Variants in PTPN12 observed in about 807,000 individuals in gnomAD.
PTPN12 encodes protein tyrosine phosphatase non-receptor type 12.
Under a neutral mutation model 97.6 loss-of-function variants are expected in PTPN12, and 29 were observed. That is an observed-to-expected ratio of 0.30 (90% CI 0.22 to 0.41). PTPN12 has a LOEUF of 0.41. Among genes scored for constraint, PTPN12 ranks in the 10% least tolerant of loss-of-function variants. The pLI, the probability that PTPN12 is intolerant of heterozygous loss-of-function variation, is 1.00. For synonymous variants in PTPN12, 327 were observed against 300.4 expected, an observed-to-expected ratio of 1.09 and a Z score of -0.91; for missense variants, 819 against 926.0, an observed-to-expected ratio of 0.88 and a Z score of 1.50.
rs1787644560 is a variant in PTPN12 at position 77,585,029 on chromosome 7, G to A, written c.382-514G>A. 3 of 152,208 alleles carry A rather than the reference G, an allele frequency of 2.0e-5. No homozygotes were observed. The South Asian group carries it at 6.2e-4, about 31-fold the overall frequency. 9.4% of individuals were successfully genotyped at this position (152,208 alleles called of 1,614,324 possible). On this transcript the variant is annotated intron_variant, in intron 4 of 17. Coordinates refer to ENST00000248594, the MANE Select transcript of PTPN12 (RefSeq NM_002835.4). ...GGATAGCTATGTGATAAAACATGGT[G>A]AAATGTTAATGATAGAATATAGGTG...
intron 12 of PTPN12, among the ~76,000 whole-genome samples, chr7:77,622,321 C>T (rs534552515): frequency 3.6e-4 from 54 of 152,064 alleles, no homozygotes; most frequent in African/African-American, 1.2e-3. Flanking sequence ...TTGACAGAAG[C>T]CTCTAATATG....
At position 77,637,056 on chromosome 7, in the gene PTPN12, G is replaced by C. The variant is rs1413121049; in HGVS notation, c.2173+8G>C. 6.2e-7 allele frequency: 1 copy of C among 1,602,814 alleles called. No individual in the cohort carries two copies. The highest frequency in any genetic ancestry group is 1.7e-5 in the Admixed American group (1 of 59,654). On this transcript the variant is annotated splice_region_variant and intron_variant, in intron 16 of 17. Transcript: ENST00000248594. The stretch of plus-strand genomic sequence containing the variant: ...CTGAAAATGAGAAATGTGGTAAGTT[G>C]TTAGATTTTTTTTTTCCTTTTTACT...
intron 16 of PTPN12, 150 bp downstream of exon 16, chr7:77,637,198 T>G (rs780718017): frequency 1.6e-6 from 1 of 610,516 alleles, no homozygotes; most frequent in Non-Finnish European, 2.7e-6. Context: ...TATTGTACTA[T>G]AATTCTTCCA....
chr7:77,633,046 T>C (rs1257842633), intron 14 of PTPN12, among the ~76,000 whole-genome samples: 2 of 151,484 alleles, frequency 1.3e-5, no homozygotes, highest in Non-Finnish European at 2.9e-5. Flanking sequence ...TGAGATGCAC[T>C]GATCACCTGA....
intron 8 of PTPN12, among the ~76,000 whole-genome samples, chr7:77,604,209 CT>C (rs71082768): frequency 6.1e-3 from 320 of 52,756 alleles, no homozygotes; most frequent in African/African-American, 0.025. Context: ...TTTTTTCTTC[CT>C]TTTTTTTTTT....
At chr7:77,608,912 T>G (rs116991747) in intron 9 of PTPN12, among the ~76,000 whole-genome samples, 1 of 152,116 alleles carries the variant, frequency 6.6e-6, no homozygotes, top group Non-Finnish European at 1.5e-5. Flanking sequence ...AAACAAACAT[T>G]TGGTCATTTT....
rs1007772233 is a variant in PTPN12, at chr7:77,598,933, A to G, written c.552+1032A>G. Among the ~76,000 whole-genome samples the G allele has an allele frequency of 7.4e-4, 112 of 151,346 alleles. 1 individual carries two copies. The highest frequency in any genetic ancestry group is 2.6e-3 in the African/African-American group (107 of 41,426). On this transcript the variant is annotated intron_variant, in intron 7 of 17. Transcript: ENST00000248594. ...AAGTTAGTTTTTGTCTTTGCAAACT[A>G]ATCAACTTTTAGCTACTAAAAAAAT...
chr7:77,599,421 C>G (rs934642192), intron 7 of PTPN12, among the ~76,000 whole-genome samples: 1 of 148,304 alleles, frequency 6.7e-6, no homozygotes, highest in Admixed American at 6.9e-5. Context: ...TTCCTAGTAT[C>G]TGAGACTATA....
At chr7:77,571,036 ACT>A (rs1787107751) in intron 1 of PTPN12, 40 bp from the exon 2 acceptor site, 1 of 1,331,784 alleles carries the variant, frequency 7.5e-7, no homozygotes, top group South Asian at 1.4e-5. Context: ...TGAAAATATC[ACT>A]GTTTCTCTAA....
At chr7:77,638,564 TTA>T (rs964279859) in intron 16 of PTPN12, 58 bp from the exon 17 acceptor site, 24 of 1,466,572 alleles carry the variant, frequency 1.6e-5, no homozygotes, top group South Asian at 3.1e-5. Flanking sequence ...AATTAAAGAG[TTA>T]TATATATATG....
At chr7:77,633,771 G>A (rs1483923533) in intron 14 of PTPN12, among the ~76,000 whole-genome samples, 2 of 151,744 alleles carry the variant, frequency 1.3e-5, no homozygotes, top group Non-Finnish European at 2.9e-5. Context: ...ACCTGTAATC[G>A]CAGCACTTTG....
At chr7:77,538,348 G>T (rs974989523) in intron 1 of PTPN12, among the ~76,000 whole-genome samples, 4 of 152,040 alleles carry the variant, frequency 2.6e-5, no homozygotes, top group African/African-American at 9.7e-5. Context: ...AAGTGTGGGT[G>T]GGGGAATTAT....
chr7:77,583,856 A>G, intron 4 of PTPN12: 1 of 407,340 alleles, frequency 2.5e-6, no homozygotes, highest in Non-Finnish European at 4.4e-6. Context: ...AAGGTGTGAT[A>G]ATAATTTAAA....
intron 14 of PTPN12, among the ~76,000 whole-genome samples, chr7:77,634,106 A>G (rs1789500842): frequency 1.3e-5 from 2 of 152,148 alleles, no homozygotes; most frequent in African/African-American, 4.8e-5. Context: ...AGGCTGAAGA[A>G]GAAGGATTGC....
In PTPN12 at chr7:77,602,291, T is replaced by A. The variant is rs576930570; in HGVS notation, c.695+1485T>A. 1.2e-3 allele frequency among the ~76,000 whole-genome samples: 177 copies of A among 152,304 alleles called. 1 individual carries two copies. Among genetic ancestry groups the A allele is most frequent in the African/African-American group, 4.1e-3 (171 of 41,564 alleles). The stretch of plus-strand genomic sequence containing the variant: ...GCTTATTTCTGTCATCTGGTCATTC[T>A]CATACAAATAATACAAAGCTAAATA... On this transcript the variant is annotated intron_variant, in intron 8 of 17. Transcript: ENST00000248594.
At chr7:77,608,880 CATAA>C (rs1435735227) in intron 9 of PTPN12, among the ~76,000 whole-genome samples, 1 of 152,180 alleles carries the variant, frequency 6.6e-6, no homozygotes, top group African/African-American at 2.4e-5. Flanking sequence ...AGAAGGGACA[CATAA>C]ATGAATGCTA....
At chr7:77,632,104 G>A (rs939354455) in intron 13 of PTPN12, among the ~76,000 whole-genome samples, 1 of 152,226 alleles carries the variant, frequency 6.6e-6, no homozygotes, top group Non-Finnish European at 1.5e-5. Flanking sequence ...CAGGCTTGGA[G>A]AACTGAATGA....
intron 1 of PTPN12, among the ~76,000 whole-genome samples, chr7:77,550,553 G>A (rs1198489825): frequency 1.3e-5 from 2 of 152,104 alleles, no homozygotes; most frequent in African/African-American, 4.8e-5. Context: ...TAACTGAAGA[G>A]TAATGAATGC....
At chr7:77,625,536 A>T (rs6953999) in intron 12 of PTPN12, among the ~76,000 whole-genome samples, 492 of 17,188 alleles carry the variant, frequency 0.029, 33 homozygotes, top group Non-Finnish European at 0.041. Context: ...TCTCACTCTC[A>T]CTCGCGCTCT....
Sources: gnomAD v4.1 joint callset for allele counts (sites outside exome capture counted in the v4.1 genomes callset) on GRCh38, gnomAD v4.1.1 for gene constraint, MANE v1.5 for transcripts, NCBI Gene and HGNC (gene_info 2026-07-23, HGNC 2026-07-21) for gene names.